Variants in GRIN2B observed in about 807,000 individuals in gnomAD.
GRIN2B encodes the protein glutamate receptor ionotropic, NMDA 2B.
GRIN2B carries 5 observed loss-of-function variants against 114.5 expected under a neutral mutation model. The observed-to-expected ratio is 0.04, with a 90% confidence interval of 0.02 to 0.09. GRIN2B has a LOEUF of 0.09. GRIN2B is among the 10% of genes least tolerant of loss of function. The pLI is 1.00. For missense variants in GRIN2B, 1,108 were observed against 1,943.5 expected, an observed-to-expected ratio of 0.57 and a Z score of 8.08; for synonymous variants, 787 against 745.1, an observed-to-expected ratio of 1.06 and a Z score of -0.92.
At chr12:13,574,962 G>A (rs1230464269) in intron 10 of GRIN2B, among the ~76,000 whole-genome samples, 4 of 152,324 alleles carry the variant, frequency 2.6e-5, no homozygotes, top group African/African-American at 7.2e-5. Context: ...GTGGAGATAG[G>A]ATGGCCTTTA....
At chr12:13,626,584 G>C (rs914534119) in intron 5 of GRIN2B, among the ~76,000 whole-genome samples, 6 of 152,134 alleles carry the variant, frequency 3.9e-5, no homozygotes, top group Non-Finnish European at 7.3e-5. Flanking sequence ...ATGTATGTAT[G>C]TGTATGTGAA....
At chr12:13,576,035 G>A (rs1339031839) in intron 10 of GRIN2B, among the ~76,000 whole-genome samples, 1 of 152,150 alleles carries the variant, frequency 6.6e-6, no homozygotes, top group Non-Finnish European at 1.5e-5. Context: ...CCTTAAACTA[G>A]GCCAGTCTGG....
intron 4 of GRIN2B, among the ~76,000 whole-genome samples, chr12:13,707,862 G>A (rs576627392): frequency 4.1e-4 from 62 of 152,184 alleles, no homozygotes; most frequent in African/African-American, 1.4e-3. Context: ...TTTGTAACAC[G>A]TAAAATATAC....
chr12:13,590,646 C>A (rs1948996630), intron 10 of GRIN2B, among the ~76,000 whole-genome samples: 1 of 152,098 alleles, frequency 6.6e-6, no homozygotes. Context: ...TCCAGTCTAT[C>A]ATTGATGGGC....
intron 10 of GRIN2B, among the ~76,000 whole-genome samples, chr12:13,591,018 G>C (rs1256933129): frequency 6.6e-6 from 1 of 152,150 alleles, no homozygotes; most frequent in African/African-American, 2.4e-5. Context: ...GAGGTACTAG[G>C]CACCTCTTGT....
intron 2 of GRIN2B, among the ~76,000 whole-genome samples, chr12:13,949,607 G>A (rs1418961923): frequency 6.6e-6 from 1 of 152,182 alleles, no homozygotes; most frequent in Non-Finnish European, 1.5e-5. Flanking sequence ...ACTGCCATTA[G>A]CCTCTACAGG....
At chr12:13,767,059 A>G (rs1053724407) in intron 3 of GRIN2B, among the ~76,000 whole-genome samples, 25 of 152,140 alleles carry the variant, frequency 1.6e-4, no homozygotes, top group Admixed American at 2.0e-4. Context: ...GAACAAGACC[A>G]TCGTGGCTAA....
intron 5 of GRIN2B, among the ~76,000 whole-genome samples, chr12:13,665,916 C>T (rs1356176376): frequency 6.6e-6 from 1 of 152,136 alleles, no homozygotes; most frequent in Admixed American, 6.5e-5. Context: ...ATGAATTTTA[C>T]CTCAAAGGGA....
At chr12:13,754,096 T>C (rs1863536687) in intron 3 of GRIN2B, among the ~76,000 whole-genome samples, 181 bp from the exon 4 acceptor site, 1 of 152,260 alleles carries the variant, frequency 6.6e-6, no homozygotes, top group Admixed American at 6.5e-5. Flanking sequence ...ATATTTGTAA[T>C]ACTTTTCTTC....
intron 4 of GRIN2B, among the ~76,000 whole-genome samples, chr12:13,705,673 G>A (rs1479798703): frequency 1.3e-5 from 2 of 152,100 alleles, no homozygotes; most frequent in Admixed American, 6.6e-5. Context: ...AGTCATTGAT[G>A]AGATCTCCAA....
intron 2 of GRIN2B, among the ~76,000 whole-genome samples, chr12:13,887,068 T>C (rs1417626345): frequency 6.6e-6 from 1 of 152,202 alleles, no homozygotes. Context: ...TTATCTCTAA[T>C]GCGCATGCTC....
At chr12:13,843,656 C>A (rs940869671) in intron 3 of GRIN2B, among the ~76,000 whole-genome samples, 3 of 152,104 alleles carry the variant, frequency 2.0e-5, no homozygotes, top group African/African-American at 4.8e-5. Context: ...GGGCTAGAAG[C>A]ACCAACATTC....
At chr12:13,656,463 G>A (rs763237391) in intron 5 of GRIN2B, among the ~76,000 whole-genome samples, 14 of 152,220 alleles carry the variant, frequency 9.2e-5, no homozygotes, top group Non-Finnish European at 1.8e-4. Flanking sequence ...TTCCAGGAAG[G>A]AGACACAAAT....
chr12:13,784,878 GGAGT>G (rs1310269551), intron 3 of GRIN2B, among the ~76,000 whole-genome samples: 1 of 152,228 alleles, frequency 6.6e-6, no homozygotes, highest in African/African-American at 2.4e-5. Context: ...CACAGATGCA[GGAGT>G]GAGTCCAGTT....
intron 3 of GRIN2B, among the ~76,000 whole-genome samples, chr12:13,798,616 T>C (rs970815352): frequency 1.3e-5 from 2 of 152,222 alleles, no homozygotes; most frequent in East Asian, 1.9e-4. Context: ...CTCTCTTATA[T>C]TGTAATCTGC....
At chr12:13,845,321 A>G (rs1013367782) in intron 3 of GRIN2B, among the ~76,000 whole-genome samples, 2 of 152,164 alleles carry the variant, frequency 1.3e-5, no homozygotes, top group African/African-American at 4.8e-5. Flanking sequence ...ATCAATATCA[A>G]TATATTTCAT....
intron 10 of GRIN2B, among the ~76,000 whole-genome samples, chr12:13,592,840 A>G (rs951136956): frequency 2.6e-5 from 4 of 152,202 alleles, no homozygotes; most frequent in Non-Finnish European, 5.9e-5. Flanking sequence ...TTTGAAAACA[A>G]TGTCTTACTG....
chr12:13,833,405 A>G (rs981731661), intron 3 of GRIN2B, among the ~76,000 whole-genome samples: 6 of 152,042 alleles, frequency 3.9e-5, no homozygotes, highest in Non-Finnish European at 5.9e-5. Flanking sequence ...TCCTCTGCAT[A>G]TTGGCCTTTT....
intron 2 of GRIN2B, among the ~76,000 whole-genome samples, chr12:13,922,791 C>T (rs1324344106): frequency 6.6e-6 from 1 of 152,164 alleles, no homozygotes; most frequent in African/African-American, 2.4e-5. Context: ...GGAAACAACG[C>T]CTCCTCCAGT....
Sources: allele counts gnomAD v4.1 joint callset (sites outside exome capture counted in the v4.1 genomes callset), GRCh38; gene constraint gnomAD v4.1.1; transcripts MANE v1.5; gene names NCBI Gene and HGNC (gene_info 2026-07-23, HGNC 2026-07-21).